Variants in STPG2 observed in about 807,000 individuals in gnomAD.
STPG2 encodes the protein sperm-tail PG-rich repeat-containing protein 2.
In STPG2, 56 loss-of-function variants were observed where a neutral mutation model predicts 54.2. The ratio of observed to expected loss-of-function variants is 1.03; its 90% CI spans 0.83 to 1.29. The LOEUF is 1.29. Ranked by LOEUF, STPG2 falls within the 50% of genes most tolerant of loss-of-function variation. The pLI is 0.00. For missense variants in STPG2, 596 were observed against 544.9 expected, an observed-to-expected ratio of 1.09 and a Z score of -0.93; for synonymous variants, 200 against 181.8, an observed-to-expected ratio of 1.10 and a Z score of -0.81.
At chr4:97,521,574 AATG>A (rs1414882993) in intron 4 of STPG2, among the ~76,000 whole-genome samples, 1 of 152,030 alleles carries the variant, frequency 6.6e-6, no homozygotes, top group Non-Finnish European at 1.5e-5. Context: ...TACTAACAAC[AATG>A]ATAATGAAGA....
At chr4:98,094,139 G>T (rs1218875569) in intron 5 of STPG2, among the ~76,000 whole-genome samples, 1 of 152,174 alleles carries the variant, frequency 6.6e-6, no homozygotes, top group African/African-American at 2.4e-5. Flanking sequence ...TTATAGCAAT[G>T]AAAGTGACTC....
chr4:98,066,059 C>T (rs1209963811), intron 5 of STPG2, among the ~76,000 whole-genome samples: 1 of 150,878 alleles, frequency 6.6e-6, no homozygotes, highest in Non-Finnish European at 1.5e-5. Context: ...TTATATATAC[C>T]TATCAAGGCT....
chr4:97,976,562 T>C (rs1213495352), intron 6 of STPG2, among the ~76,000 whole-genome samples: 1 of 152,158 alleles, frequency 6.6e-6, no homozygotes, highest in Non-Finnish European at 1.5e-5. Flanking sequence ...AGATCTGCTA[T>C]GGGAGAGTTA....
At chr4:97,524,258 C>T (rs190383317) in intron 4 of STPG2, among the ~76,000 whole-genome samples, 134 of 152,020 alleles carry the variant, frequency 8.8e-4, no homozygotes, top group Non-Finnish European at 1.6e-3. Context: ...GATATGATCT[C>T]CCTATAGTAA....
rs896665027 is a variant in STPG2 at position 97,927,546 on chromosome 4, T to TA, written c.1044+16350dup. ...GCTAAACAATAGTGATTACATTTTTTAAAAAAAGTTATATACCTTATAATA... is the reference window on the plus strand; with the variant it reads ...GCTAAACAATAGTGATTACATTTTTTAAAAAAAAGTTATATACCTTATAATA... On this transcript the variant is annotated intron_variant, in intron 8 of 10. Transcript: ENST00000295268. Among the ~76,000 whole-genome samples the TA allele has an allele frequency of 9.1e-4, 138 of 152,230 alleles. 1 individual carries two copies. Among genetic ancestry groups the TA allele is most frequent in the Middle Eastern group, 3.4e-3 (1 of 294 alleles).
Position 98,050,111 on chromosome 4 carries a change from T to C in STPG2, c.612+55842A>G, listed in dbSNP as rs146454583. Among the ~76,000 whole-genome samples, 449 of 152,288 alleles carry C rather than the reference T, an allele frequency of 2.9e-3. 3 individuals are homozygous for C. Among genetic ancestry groups the C allele is most frequent in the African/African-American group, 0.01 (428 of 41,574 alleles). ...ACCAATTACAATGTATGGATCTTAT[T>C]TGGATTCTGATTAAAACAAAATTTA... On this transcript the variant is annotated intron_variant, in intron 5 of 10. Coordinates refer to ENST00000295268, the MANE Select transcript of STPG2 (RefSeq NM_174952.3).
chr4:97,867,431 T>C (rs1729832038), intron 8 of STPG2, among the ~76,000 whole-genome samples: 1 of 152,028 alleles, frequency 6.6e-6, no homozygotes, highest in Non-Finnish European at 1.5e-5. Context: ...TGTGAGATTC[T>C]TATCAGATGC....
At chr4:97,459,543 C>T (rs1000574857) in intron 4 of STPG2, among the ~76,000 whole-genome samples, 1 of 151,456 alleles carries the variant, frequency 6.6e-6, no homozygotes, top group Non-Finnish European at 1.5e-5. Context: ...GGGTTCACGC[C>T]ATTCTCCTGC....
At chr4:97,870,898 A>G (rs988352303) in intron 8 of STPG2, among the ~76,000 whole-genome samples, 5 of 151,286 alleles carry the variant, frequency 3.3e-5, no homozygotes, top group South Asian at 2.1e-4. Context: ...CCCCCAAAAA[A>G]TCATACATTT....
intron 9 of STPG2, among the ~76,000 whole-genome samples, chr4:97,793,446 ATATC>A (rs751136752): frequency 2.3e-4 from 35 of 152,042 alleles, no homozygotes; most frequent in Admixed American, 7.9e-4. Context: ...ACATATGCAT[ATATC>A]TATGTGTATA....
chr4:97,474,581 G>A (rs1396350098), intron 4 of STPG2, among the ~76,000 whole-genome samples: 1 of 152,078 alleles, frequency 6.6e-6, no homozygotes, highest in Non-Finnish European at 1.5e-5. Context: ...ATATATCAGG[G>A]ACAAGGAAGA....
intron 10 of STPG2, among the ~76,000 whole-genome samples, chr4:97,602,158 CTA>C (rs1292162543): frequency 1.3e-5 from 2 of 151,652 alleles, no homozygotes; most frequent in African/African-American, 2.4e-5. Context: ...TACTTTTTTT[CTA>C]TGTTGTCAAC....
intron 10 of STPG2, among the ~76,000 whole-genome samples, chr4:97,601,587 CTT>C (rs1578416899): frequency 6.6e-6 from 1 of 151,836 alleles, no homozygotes; most frequent in African/African-American, 2.4e-5. Context: ...TTTAATCCAT[CTT>C]GAGCTGATTT....
chr4:97,940,858 A>G (rs1732949930), intron 8 of STPG2, among the ~76,000 whole-genome samples: 1 of 143,020 alleles, frequency 7.0e-6, no homozygotes, highest in Admixed American at 6.9e-5. Context: ...ATGAGCTAAA[A>G]TGACTTCTTC....
intron 9 of STPG2, among the ~76,000 whole-genome samples, chr4:97,742,624 A>T (rs1013703206): frequency 2.7e-5 from 4 of 150,614 alleles, no homozygotes; most frequent in African/African-American, 9.7e-5. Context: ...TTGCAACAAC[A>T]TGGATGAAAC....
chr4:97,833,783 A>G (rs992449504), intron 9 of STPG2, among the ~76,000 whole-genome samples: 2 of 152,242 alleles, frequency 1.3e-5, no homozygotes, highest in Non-Finnish European at 2.9e-5. Context: ...TGGTCATTAG[A>G]GAAATGCAAA....
At chr4:98,011,374 G>A (rs1300941577) in intron 5 of STPG2, among the ~76,000 whole-genome samples, 1 of 152,038 alleles carries the variant, frequency 6.6e-6, no homozygotes, top group African/African-American at 2.4e-5. Flanking sequence ...TTGGCATTTG[G>A]GTTGGTTCCA....
chr4:97,894,381 T>C (rs769025457), intron 8 of STPG2, among the ~76,000 whole-genome samples: 1 of 151,952 alleles, frequency 6.6e-6, no homozygotes, highest in African/African-American at 2.4e-5. Flanking sequence ...CCATTGTAAC[T>C]ACTCTGAATA....
chr4:98,102,121 A>G (rs1739055918), intron 5 of STPG2, among the ~76,000 whole-genome samples: 1 of 152,146 alleles, frequency 6.6e-6, no homozygotes, highest in Non-Finnish European at 1.5e-5. Context: ...CTTATGATTC[A>G]TTATGATATG....
Sources: gnomAD v4.1 joint callset for allele counts (sites outside exome capture counted in the v4.1 genomes callset) on GRCh38, gnomAD v4.1.1 for gene constraint, MANE v1.5 for transcripts, NCBI Gene and HGNC (gene_info 2026-07-23, HGNC 2026-07-21) for gene names.